MIB1: variants seen among roughly 807,000 people sequenced by gnomAD.
MIB1 encodes E3 ubiquitin-protein ligase MIB1.
Under a neutral mutation model 124.5 loss-of-function variants are expected in MIB1, and 278 were observed. That is an observed-to-expected ratio of 2.23 (90% CI 2.02 to 2.47). MIB1 has a LOEUF of 2.47. Among genes scored for constraint, MIB1 ranks in the 30% most tolerant of loss-of-function variants. The pLI is 0.00. For synonymous variants in MIB1, 446 were observed against 429.4 expected, an observed-to-expected ratio of 1.04 and a Z score of -0.48; for missense variants, 957 against 1,254.4, an observed-to-expected ratio of 0.76 and a Z score of 3.58.
In MIB1 at chr18:21,754,968, ACT is replaced by A. The variant is rs1297558082; in HGVS notation, c.230-10801_230-10800del. On this transcript the variant is annotated intron_variant, in intron 1 of 20. Transcript: ENST00000261537. ...CTACAGTATTTCTGACAACAACGAAACTCTACTCTGCACCCTCCTCCGGGACA... is the reference window on the plus strand; with the variant it reads ...CTACAGTATTTCTGACAACAACGAAACTACTCTGCACCCTCCTCCGGGACA... Among the ~76,000 whole-genome samples, 7 of 151,694 alleles carry A rather than the reference ACT, an allele frequency of 4.6e-5. No homozygotes were observed. In the South Asian group the frequency reaches 1.2e-3, roughly 27 times the overall value.
intron 17 of MIB1, among the ~76,000 whole-genome samples, chr18:21,849,734 C>T (rs569471843): frequency 6.6e-6 from 1 of 152,188 alleles, no homozygotes; most frequent in East Asian, 1.9e-4. Flanking sequence ...TCAAAGCTCC[C>T]TATAACCTAA....
At chr18:21,849,673 C>T (rs2042165775) in intron 17 of MIB1, among the ~76,000 whole-genome samples, 2 of 151,792 alleles carry the variant, frequency 1.3e-5, no homozygotes, top group Admixed American at 1.3e-4. Context: ...AATGTGTTTC[C>T]TTCATTATAT....
chr18:21,830,679 C>T (rs1169302624), intron 12 of MIB1: 2 of 152,098 alleles, frequency 1.3e-5, no homozygotes. Context: ...CCTAGAGAAT[C>T]ACATCAACAG....
chr18:21,720,721 G>GC (rs2040710592), intron 1 of MIB1, among the ~76,000 whole-genome samples: 1 of 152,124 alleles, frequency 6.6e-6, no homozygotes, highest in African/African-American at 2.4e-5. Flanking sequence ...GGCTGAGAGG[G>GC]GTAAATTGCT....
chr18:21,788,035 C>T (rs1293145171), intron 6 of MIB1, among the ~76,000 whole-genome samples: 3 of 152,044 alleles, frequency 2.0e-5, no homozygotes, highest in Non-Finnish European at 4.4e-5. Context: ...CTTTTACTCT[C>T]CATAGTATTA....
At chr18:21,785,236 A>G (rs1012593538) in intron 6 of MIB1, among the ~76,000 whole-genome samples, 1 of 151,786 alleles carries the variant, frequency 6.6e-6, no homozygotes, top group Middle Eastern at 3.2e-3. Context: ...CTTGCCTTGT[A>G]TACAATAAAT....
intron 10 of MIB1, among the ~76,000 whole-genome samples, chr18:21,808,036 T>C (rs2041728218): frequency 6.6e-6 from 1 of 152,174 alleles, no homozygotes; most frequent in Non-Finnish European, 1.5e-5. Context: ...TTAATATGTA[T>C]TCCAAAACGT....
intron 15 of MIB1, among the ~76,000 whole-genome samples, chr18:21,845,769 G>A (rs1230429257): frequency 6.6e-6 from 1 of 152,006 alleles, no homozygotes; most frequent in Non-Finnish European, 1.5e-5. Flanking sequence ...CATTGCAGGT[G>A]CACACCACCA....
chr18:21,831,804 G>C (rs2041986313), intron 12 of MIB1, among the ~76,000 whole-genome samples: 1 of 152,094 alleles, frequency 6.6e-6, no homozygotes, highest in Non-Finnish European at 1.5e-5. Context: ...AAAAAGGAAA[G>C]AGGAAAAAAA....
chr18:21,819,399 G>C, intron 11 of MIB1, 96 bp from the exon 12 acceptor site: 2 of 705,994 alleles, frequency 2.8e-6, no homozygotes, highest in Non-Finnish European at 4.6e-6. Flanking sequence ...TGTTGGATGT[G>C]GTCTCTGCTT....
At chr18:21,761,226 GT>G (rs11393243) in intron 1 of MIB1, among the ~76,000 whole-genome samples, 147 of 141,070 alleles carry the variant, frequency 1.0e-3, no homozygotes, top group African/African-American at 1.6e-3. Context: ...ACACAAAGTG[GT>G]TTTTTTTTTT....
At chr18:21,814,594 A>G (rs560225862) in intron 10 of MIB1, among the ~76,000 whole-genome samples, 2 of 151,898 alleles carry the variant, frequency 1.3e-5, no homozygotes, top group African/African-American at 4.8e-5. Flanking sequence ...TTTTATTGAG[A>G]GGCAGTCTTG....
intron 12 of MIB1, among the ~76,000 whole-genome samples, chr18:21,823,758 TG>T (rs1035558181): frequency 6.6e-6 from 1 of 152,064 alleles, no homozygotes; most frequent in Non-Finnish European, 1.5e-5. Flanking sequence ...AATACAGTTT[TG>T]TTTTTTTTGA....
chr18:21,843,959 A>G (rs2042113078), intron 14 of MIB1, 133 bp from the exon 15 acceptor site: 6 of 803,040 alleles, frequency 7.5e-6, no homozygotes, highest in Non-Finnish European at 1.2e-5. Flanking sequence ...GTAGAAGGCA[A>G]AAGCATAAAA....
chr18:21,715,174 G>A (rs774040531), intron 1 of MIB1, among the ~76,000 whole-genome samples: 3 of 152,144 alleles, frequency 2.0e-5, no homozygotes, highest in African/African-American at 7.2e-5. Context: ...CCCACAGATG[G>A]CTCATATCAC....
intron 1 of MIB1, among the ~76,000 whole-genome samples, chr18:21,718,808 C>T (rs980841219): frequency 6.6e-6 from 1 of 152,134 alleles, no homozygotes; most frequent in Admixed American, 6.5e-5. Flanking sequence ...TGCCTGTAAT[C>T]CCGACCCATT....
At chr18:21,851,030 CTT>C (rs1469443685) in intron 17 of MIB1, among the ~76,000 whole-genome samples, 1 of 152,058 alleles carries the variant, frequency 6.6e-6, no homozygotes. Context: ...TAAACTATGA[CTT>C]ATATATAAGC....
At chr18:21,864,488 A>T in intron 20 of MIB1, 38 bp from the exon 21 acceptor site, 1 of 1,516,670 alleles carries the variant, frequency 6.6e-7, no homozygotes, top group Non-Finnish European at 9.1e-7. Flanking sequence ...TCCAAATATA[A>T]AGTGTCTAAT....
chr18:21,840,654 TATATATATATA>T (rs1336514331), intron 13 of MIB1, among the ~76,000 whole-genome samples: 1,175 of 3,942 alleles, frequency 0.3, 31 homozygotes, highest in African/African-American at 0.36. Flanking sequence ...TATATATATA[TATATATATATA>T]TTTTTTTTTT....
Sources: allele counts gnomAD v4.1 joint callset (sites outside exome capture counted in the v4.1 genomes callset), GRCh38; gene constraint gnomAD v4.1.1; transcripts MANE v1.5; gene names NCBI Gene and HGNC (gene_info 2026-07-23, HGNC 2026-07-21).